CACNA2D4: variants seen among roughly 807,000 people sequenced by gnomAD.
The protein encoded by CACNA2D4 is calcium voltage-gated channel auxiliary subunit alpha2delta 4, also known as voltage-dependent calcium channel subunit alpha-2/delta-4.
Under a neutral mutation model 163.8 loss-of-function variants are expected in CACNA2D4, and 157 were observed. That is an observed-to-expected ratio of 0.96 (90% CI 0.84 to 1.09). The LOEUF (loss-of-function observed/expected upper bound fraction) is 1.09. Ranked by LOEUF, CACNA2D4 falls within the 50% of genes least tolerant of loss-of-function variation. The pLI is 0.00. For synonymous variants in CACNA2D4, 598 were observed against 586.9 expected (o/e 1.02, Z -0.27); for missense variants, 1,410 against 1,479.9 (o/e 0.95, Z 0.78).
chr12:1,859,292 G>C (rs1187971129), intron 19 of CACNA2D4, among the ~76,000 whole-genome samples: 1 of 152,254 alleles, frequency 6.6e-6, no homozygotes, highest in Admixed American at 6.5e-5. Context: ...CCGGGAGGTG[G>C]AGGCTGTAGT....
chr12:1,830,148 G>A (rs778064273), intron 26 of CACNA2D4, among the ~76,000 whole-genome samples: 2 of 152,250 alleles, frequency 1.3e-5, no homozygotes, highest in Non-Finnish European at 2.9e-5. Context: ...CAGGCTGAGA[G>A]CCTAGATGGC....
rs1390257124 is a variant in CACNA2D4 at position 1,829,612 on chromosome 12, C to T, written c.2551+11127G>A. Among the ~76,000 whole-genome samples the T allele has an allele frequency of 1.3e-5, 2 of 151,884 alleles. No homozygotes were observed. The highest frequency in any genetic ancestry group is 1.5e-5 in the Non-Finnish European group (1 of 67,960). On this transcript the variant is annotated intron_variant, in intron 26 of 37. Transcript: ENST00000382722. This position sits in a 1 kb window ranked among gnomAD's most constrained non-coding sequence, Gnocchi z 4.2. ...GAGAGTCTCATCCTGTTCCTTCAAGCTCCACCCTTTGGGACAGCAGACACC... is the reference window on the plus strand; with the variant it reads ...GAGAGTCTCATCCTGTTCCTTCAAGTTCCACCCTTTGGGACAGCAGACACC...
rs1451167485 is a variant in CACNA2D4 at position 1,917,803 on chromosome 12, A to C, written c.227+444T>G. On this transcript the variant is annotated intron_variant, in intron 1 of 37. Transcript: ENST00000382722. This position sits in a 1 kb window ranked among gnomAD's most constrained non-coding sequence, Gnocchi z 4.3. ...TGCGCATGAGACGTTCTGTGGGTTC[A>C]GAACTGCTTCCCCTTTTTGGAATGT... 5.6e-6 allele frequency: 1 copy of C among 179,156 alleles called. No homozygotes were observed. The highest frequency in any genetic ancestry group is 2.4e-5 in the African/African-American group (1 of 41,578). 11.1% of individuals were successfully genotyped at this position (179,156 alleles called of 1,614,324 possible).
intron 18 of CACNA2D4, among the ~76,000 whole-genome samples, chr12:1,861,882 C>A (rs1202486426): frequency 2.6e-5 from 4 of 152,196 alleles, no homozygotes; most frequent in Non-Finnish European, 5.9e-5. Context: ...CTCTGCCTAC[C>A]CCTTCTGGTC....
chr12:1,831,126 G>C, intron 26 of CACNA2D4: 1 of 1,613,952 alleles, frequency 6.2e-7, no homozygotes, highest in Non-Finnish European at 8.5e-7. Flanking sequence ...GCCAAGCTGG[G>C]CTTTCGCCAA....
At chr12:1,897,753 A>G (rs1045056416) in intron 6 of CACNA2D4, among the ~76,000 whole-genome samples, 16 of 152,204 alleles carry the variant, frequency 1.1e-4, no homozygotes, top group Admixed American at 3.9e-4. Context: ...CTCTATGACT[A>G]TCAGACAAAA....
chr12:1,874,681 G>A lies in CACNA2D4; in HGVS notation c.1807-6C>T. The A allele has an allele frequency of 6.2e-7, 1 of 1,606,420 alleles. No homozygotes were observed. The highest frequency in any genetic ancestry group is 2.2e-5 in the East Asian group (1 of 44,846). ...TTGATCATGGCTGTTCTCAGCTTCA[G>A]GAGGAAAGACAATGGCATTAGTTCC... is the stretch of plus-strand genomic sequence containing the variant. On this transcript the variant is annotated splice_region_variant and splice_polypyrimidine_tract_variant and intron_variant, in intron 17 of 37. Transcript: ENST00000382722. The surrounding 1 kb of genome is among the most constrained non-coding windows in gnomAD (Gnocchi z 4.4).
intron 34 of CACNA2D4, chr12:1,797,763 G>C: frequency 1.7e-6 from 1 of 586,180 alleles, no homozygotes; most frequent in African/African-American, 1.9e-5. Flanking sequence ...CAGGGGCCCT[G>C]AGCCTCGGTG....
chr12:1,812,965 C>G (rs1292020331), intron 26 of CACNA2D4, among the ~76,000 whole-genome samples: 1 of 152,154 alleles, frequency 6.6e-6, no homozygotes, highest in African/African-American at 2.4e-5. Context: ...CACAGAGATA[C>G]AGGATTGTGT....
chr12:1,828,138 T>C lies in CACNA2D4; in HGVS notation c.2551+12601A>G. On this transcript the variant is annotated intron_variant, in intron 26 of 37. Transcript: ENST00000382722. This position sits in a 1 kb window ranked among gnomAD's most constrained non-coding sequence, Gnocchi z 4.2. ...CAGAGCGACAGGGCCCGGAGAGCCG[T>C]GGGCCTCACCATGCTGGCGCCGGGC... 6.5e-7 allele frequency: 1 copy of C among 1,535,742 alleles called. No individual in the cohort carries two copies. The highest frequency in any genetic ancestry group is 8.8e-7 in the Non-Finnish European group (1 of 1,139,780).
chr12:1,874,817 G>T lies in CACNA2D4; in HGVS notation c.1807-142C>A, dbSNP rs1865850779. The T allele has an allele frequency of 1.4e-6, 1 of 691,984 alleles. No homozygotes were observed. Among genetic ancestry groups the T allele is most frequent in the Non-Finnish European group, 2.6e-6 (1 of 378,898 alleles). 42.9% of individuals were successfully genotyped at this position (691,984 alleles called of 1,614,324 possible). A position where few individuals can be genotyped will look rare whatever the true frequency, so the allele number is the denominator to read the frequency against. On this transcript the variant is annotated intron_variant, in intron 17 of 37. Transcript: ENST00000382722. The surrounding 1 kb of genome is among the most constrained non-coding windows in gnomAD (Gnocchi z 4.4). ...TTCCTCTGAGAGAGATACCAGGAGGGAAGATGGACCTGACTCTAAGCTCCA... is the reference window on the plus strand; with the variant it reads ...TTCCTCTGAGAGAGATACCAGGAGGTAAGATGGACCTGACTCTAAGCTCCA...
intron 26 of CACNA2D4, among the ~76,000 whole-genome samples, chr12:1,824,814 A>C (rs1354922832): frequency 6.6e-6 from 1 of 152,122 alleles, no homozygotes; most frequent in African/African-American, 2.4e-5. Context: ...CTAAGGAACT[A>C]GGGAGTGCTG....
intron 7 of CACNA2D4, among the ~76,000 whole-genome samples, chr12:1,886,714 G>A (rs1415255543): frequency 6.6e-6 from 1 of 152,224 alleles, no homozygotes; most frequent in South Asian, 2.1e-4. Context: ...TGCCACAAAA[G>A]GGGTGTGGAA....
chr12:1,834,613 C>T lies in CACNA2D4; in HGVS notation c.2551+6126G>A, dbSNP rs750674817. On this transcript the variant is annotated intron_variant, in intron 26 of 37. Transcript: ENST00000382722. This position sits in a 1 kb window ranked among gnomAD's most constrained non-coding sequence, Gnocchi z 7.6. The stretch of plus-strand genomic sequence containing the variant: ...TGGCCGCTGCCTATGGCTGCATCTA[C>T]GCCTCCCTCATGGCCAAGTACCACC... 4.6e-5 allele frequency: 74 copies of T among 1,599,938 alleles called. No individual in the cohort carries two copies. The highest frequency in any genetic ancestry group is 2.0e-4 in the African/African-American group (15 of 74,930).
chr12:1,800,041 T>G lies in CACNA2D4; in HGVS notation c.2933A>C (p.Glu978Ala). 1.2e-6 allele frequency: 2 copies of G among 1,602,212 alleles called. No homozygotes were observed. The highest frequency in any genetic ancestry group is 1.7e-6 in the Non-Finnish European group (2 of 1,174,714). ...LLQELVLFLL[E>A]WSVWGSWYDR... is the part of the protein sequence containing the mutation. ...GTACCAGGAGCCCCAGACACTCCACTCCAGCAGGAACCTGTCAGACACAGG... is the reference window on the plus strand; with the variant it reads ...GTACCAGGAGCCCCAGACACTCCACGCCAGCAGGAACCTGTCAGACACAGG... The change falls in exon 33 of 38, where the codon GAG becomes GCG. Residue 978 changes from glutamate to alanine, a missense_variant. Coordinates refer to ENST00000382722, the MANE Select transcript of CACNA2D4 (RefSeq NM_172364.5).
chr12:1,802,962 T>C lies in CACNA2D4; in HGVS notation c.2722-1318A>G, dbSNP rs959299934. ...GAATTCCCCAAAGTGTCTTGGTACCTGGACATACTCAGTCAGTGTGGAATG... is the reference window on the plus strand; with the variant it reads ...GAATTCCCCAAAGTGTCTTGGTACCCGGACATACTCAGTCAGTGTGGAATG... On this transcript the variant is annotated intron_variant, in intron 29 of 37. Transcript: ENST00000382722. This position sits in a 1 kb window ranked among gnomAD's most constrained non-coding sequence, Gnocchi z 4.7. 1.3e-5 allele frequency among the ~76,000 whole-genome samples: 2 copies of C among 152,224 alleles called. No homozygotes were observed. Among genetic ancestry groups the C allele is most frequent in the Admixed American group, 1.3e-4 (2 of 15,284 alleles).
intron 6 of CACNA2D4, among the ~76,000 whole-genome samples, chr12:1,900,200 G>A (rs541405555): frequency 6.6e-6 from 1 of 152,306 alleles, no homozygotes; most frequent in African/African-American, 2.4e-5. Context: ...CATGATCACA[G>A]CTCACTGCAG....
At chr12:1,884,149 T>C (rs796890735) in intron 12 of CACNA2D4, 94 bp downstream of exon 12, 2 of 1,089,548 alleles carry the variant, frequency 1.8e-6, no homozygotes, top group Middle Eastern at 2.3e-4. Flanking sequence ...TAGGGGCCCA[T>C]GGGGAAGCCC....
At chr12:1,795,638 C>A (rs764498201) in intron 36 of CACNA2D4, 30 bp downstream of exon 36, 3 of 1,474,346 alleles carry the variant, frequency 2.0e-6, no homozygotes, top group East Asian at 4.5e-5. Flanking sequence ...CCCGCCCCCA[C>A]CGCACACATC....
Sources: gnomAD v4.1 joint callset for allele counts (sites outside exome capture counted in the v4.1 genomes callset) on GRCh38, gnomAD v4.1.1 for gene constraint, Gnocchi (gnomAD v3.1) non-coding constraint, MANE v1.5 for transcripts, NCBI Gene and HGNC (gene_info 2026-07-23, HGNC 2026-07-21) for gene names.